FERMT2: variants seen among roughly 807,000 people sequenced by gnomAD.
FERMT2 encodes FERM domain containing kindlin 2.
Under a neutral mutation model 82.7 loss-of-function variants are expected in FERMT2, and 15 were observed. That is an observed-to-expected ratio of 0.18 (90% CI 0.12 to 0.28). FERMT2 has a LOEUF of 0.28. Ranked by LOEUF, FERMT2 falls within the 10% of genes least tolerant of loss-of-function variation. The pLI is 1.00. For synonymous variants in FERMT2, 274 were observed against 271.5 expected, an observed-to-expected ratio of 1.01 and a Z score of -0.09; for missense variants, 645 against 809.4, an observed-to-expected ratio of 0.80 and a Z score of 2.46.
intron 4 of FERMT2, among the ~76,000 whole-genome samples, chr14:52,884,183 A>G (rs1886454501): frequency 6.6e-6 from 1 of 152,232 alleles, no homozygotes; most frequent in Non-Finnish European, 1.5e-5. Context: ...GCACTATGTG[A>G]TAATAAACTC....
intron 2 of FERMT2, among the ~76,000 whole-genome samples, chr14:52,934,414 C>T (rs1889741406): frequency 6.6e-6 from 1 of 152,170 alleles, no homozygotes; most frequent in Non-Finnish European, 1.5e-5. Context: ...TAGTGCTTGT[C>T]TTCTAATCAT....
intron 9 of FERMT2, 104 bp downstream of exon 9, chr14:52,874,073 T>G: frequency 1.7e-6 from 1 of 604,588 alleles, no homozygotes; most frequent in Admixed American, 3.0e-5. Flanking sequence ...CCTTTTACAG[T>G]AGATGCGTTT....
chr14:52,944,404 T>A (rs900368162), intron 2 of FERMT2, among the ~76,000 whole-genome samples: 1 of 152,200 alleles, frequency 6.6e-6, no homozygotes, highest in African/African-American at 2.4e-5. Flanking sequence ...ACTAAGGATT[T>A]CAACTGCATA....
At chr14:52,878,939 T>C (rs997892889) in intron 6 of FERMT2, among the ~76,000 whole-genome samples, 2 of 152,186 alleles carry the variant, frequency 1.3e-5, no homozygotes, top group Admixed American at 6.5e-5. Context: ...TAATTGATTG[T>C]ACAGTATTAA....
chr14:52,950,606 A>T, intron 1 of FERMT2, 29 bp from the exon 2 acceptor site: 2 of 1,607,024 alleles, frequency 1.2e-6, no homozygotes, highest in Non-Finnish European at 1.7e-6. Flanking sequence ...TGGCTCTCGT[A>T]AGCGTCACTC....
Position 52,896,999 on chromosome 14 carries a change from AACACACACACACACACACACACAC to A in FERMT2, c.392-3596_392-3573del, listed in dbSNP as rs57945447. ...GCAAGACCATCTGCAAAACAAATAAAACACACACACACACACACACACACACACACACACACACACACACACACA... is the reference window on the plus strand; with the variant it reads ...GCAAGACCATCTGCAAAACAAATAAAACACACACACACACACACACACACA... On this transcript the variant is annotated intron_variant, in intron 3 of 14. Transcript: ENST00000341590. Among the ~76,000 whole-genome samples, 584 of 137,186 alleles carry A rather than the reference AACACACACACACACACACACACAC, an allele frequency of 4.3e-3. 26 individuals carry two copies. The East Asian group carries it at 0.097, about 23-fold the overall frequency. The allele number at this position is 137,186 out of a possible 152,430, so 90.0% of individuals were successfully genotyped here. A position where few individuals can be genotyped will look rare whatever the true frequency, so the allele number is the denominator to read the frequency against.
At chr14:52,883,079 G>A (rs1435356330) in intron 4 of FERMT2, among the ~76,000 whole-genome samples, 1 of 152,094 alleles carries the variant, frequency 6.6e-6, no homozygotes, top group African/African-American at 2.4e-5. Context: ...ACGCTATTCG[G>A]GAGGCGAAGG....
chr14:52,910,942 T>C (rs1197708499), intron 3 of FERMT2, among the ~76,000 whole-genome samples: 1 of 152,188 alleles, frequency 6.6e-6, no homozygotes, highest in Non-Finnish European at 1.5e-5. Context: ...TAAGGGGAAA[T>C]ATTTAATAAC....
At chr14:52,942,765 C>T (rs909345943) in intron 2 of FERMT2, among the ~76,000 whole-genome samples, 1 of 152,162 alleles carries the variant, frequency 6.6e-6, no homozygotes, top group East Asian at 1.9e-4. Context: ...ATAATCTGTG[C>T]CTCCATCAGC....
intron 12 of FERMT2, chr14:52,860,753 A>T (rs1181837811): frequency 1.8e-6 from 1 of 568,640 alleles, no homozygotes. Flanking sequence ...TAACGGTACT[A>T]CTATTACAGA....
At chr14:52,869,260 GAATTCCAA>G (rs946343337) in intron 10 of FERMT2, among the ~76,000 whole-genome samples, 3 of 152,130 alleles carry the variant, frequency 2.0e-5, no homozygotes, top group African/African-American at 7.2e-5. Flanking sequence ...GTAAATTACA[GAATTCCAA>G]AATGTGGGAA....
At chr14:52,885,760 A>T (rs1566729846) in intron 4 of FERMT2, among the ~76,000 whole-genome samples, 1 of 152,188 alleles carries the variant, frequency 6.6e-6, no homozygotes, top group African/African-American at 2.4e-5. Context: ...TATATTTTTT[A>T]AAAAGAGTAC....
At chr14:52,863,971 T>C (rs1324197030) in intron 12 of FERMT2, among the ~76,000 whole-genome samples, 1 of 152,206 alleles carries the variant, frequency 6.6e-6, no homozygotes, top group Non-Finnish European at 1.5e-5. Context: ...AACTATTCTG[T>C]GTCCTTATCT....
chr14:52,867,941 T>C (rs1344922101), intron 10 of FERMT2, among the ~76,000 whole-genome samples: 3 of 152,190 alleles, frequency 2.0e-5, no homozygotes, highest in Non-Finnish European at 4.4e-5. Context: ...GTTGATTACC[T>C]TAATTTGGAT....
intron 9 of FERMT2, among the ~76,000 whole-genome samples, chr14:52,873,146 G>C (rs1885735121): frequency 6.6e-6 from 1 of 152,182 alleles, no homozygotes; most frequent in Non-Finnish European, 1.5e-5. Context: ...GTTCCGAGGA[G>C]AAAGGCAGTA....
At chr14:52,913,770 G>GT (rs1442147549) in intron 3 of FERMT2, among the ~76,000 whole-genome samples, 4 of 151,428 alleles carry the variant, frequency 2.6e-5, no homozygotes, top group Non-Finnish European at 4.4e-5. Flanking sequence ...CAGTGTTAGC[G>GT]TAACAACCTG....
intron 14 of FERMT2, 34 bp from the exon 15 acceptor site, chr14:52,858,584 C>T: frequency 6.2e-7 from 1 of 1,604,046 alleles, no homozygotes; most frequent in African/African-American, 1.3e-5. Context: ...AGTGCTGTCC[C>T]AAATGCTAGG....
chr14:52,916,799 G>C (rs372595695), intron 3 of FERMT2, among the ~76,000 whole-genome samples: 8 of 152,226 alleles, frequency 5.3e-5, no homozygotes, highest in East Asian at 3.9e-4. Context: ...GGGTATGTGG[G>C]AATTCTCTGT....
rs572378769 is a variant in FERMT2, at chr14:52,870,572, A to G, written c.1273+2227T>C. On this transcript the variant is annotated intron_variant, in intron 10 of 14. Transcript: ENST00000341590. The stretch of plus-strand genomic sequence containing the variant: ...CAAGTTGTACCTTTTCTAGATTTAG[A>G]TATGTTTAGATAACAAATACTTACT... Among the ~76,000 whole-genome samples the G allele has an allele frequency of 1.9e-4, 29 of 152,272 alleles. No individual in the cohort carries two copies. The South Asian group carries it at 2.5e-3, about 13-fold the overall frequency.
Sources: gnomAD v4.1 joint callset for allele counts (sites outside exome capture counted in the v4.1 genomes callset) on GRCh38, gnomAD v4.1.1 for gene constraint, MANE v1.5 for transcripts, NCBI Gene and HGNC (gene_info 2026-07-23, HGNC 2026-07-21) for gene names.